MDGA2: variants seen among roughly 807,000 people sequenced by gnomAD.
MDGA2 encodes MAM domain containing glycosylphosphatidylinositol anchor 2.
MDGA2 carries 40 observed loss-of-function variants against 117.8 expected under a neutral mutation model. The ratio of observed to expected loss-of-function variants is 0.34; its 90% CI spans 0.26 to 0.44. The LOEUF is 0.44. Ranked by LOEUF, MDGA2 falls within the 20% of genes least tolerant of loss-of-function variation. The pLI is 1.00. For missense variants in MDGA2, 1,123 were observed against 1,250.6 expected (o/e 0.90, Z 1.54); for synonymous variants, 452 against 439.0 (o/e 1.03, Z -0.37).
At chr14:47,239,521 C>A (rs1459413267) in intron 2 of MDGA2, among the ~76,000 whole-genome samples, 2 of 151,698 alleles carry the variant, frequency 1.3e-5, no homozygotes, top group Non-Finnish European at 3.0e-5. Context: ...AAGCTTCTTT[C>A]ATAGAAAACA....
At chr14:46,980,224 T>A (rs1360136586) in intron 8 of MDGA2, among the ~76,000 whole-genome samples, 1 of 152,168 alleles carries the variant, frequency 6.6e-6, no homozygotes, top group East Asian at 1.9e-4. Flanking sequence ...ATCCCAACAC[T>A]CATGGAAAAC....
At chr14:47,154,327 A>G (rs577557639) in intron 3 of MDGA2, among the ~76,000 whole-genome samples, 1 of 152,336 alleles carries the variant, frequency 6.6e-6, no homozygotes, top group East Asian at 1.9e-4. Context: ...TGCAAAGACG[A>G]CGACCGCAGT....
chr14:47,096,703 T>C (rs967503565), intron 6 of MDGA2, 151 bp downstream of exon 6: 10 of 794,158 alleles, frequency 1.3e-5, no homozygotes, highest in Middle Eastern at 3.3e-4. Flanking sequence ...GTTCCACTTA[T>C]AATTACCCAC....
chr14:46,875,853 C>A (rs1185585425), intron 12 of MDGA2, among the ~76,000 whole-genome samples: 1 of 151,404 alleles, frequency 6.6e-6, no homozygotes, highest in Admixed American at 6.6e-5. Flanking sequence ...GTATCTACTG[C>A]CAAGTCTTAC....
chr14:46,878,737 A>T (rs1043414355), intron 11 of MDGA2, among the ~76,000 whole-genome samples: 4 of 152,058 alleles, frequency 2.6e-5, no homozygotes, highest in African/African-American at 9.7e-5. Context: ...ATGTATTTTA[A>T]TTTTAAAATT....
chr14:47,596,678 T>C (rs1389505766), intron 1 of MDGA2, among the ~76,000 whole-genome samples: 2 of 152,274 alleles, frequency 1.3e-5, no homozygotes, highest in Non-Finnish European at 1.5e-5. Context: ...TACCAAAAAT[T>C]ACTACCAATA....
chr14:47,112,823 T>C (rs111245339), intron 5 of MDGA2, among the ~76,000 whole-genome samples: 2 of 152,186 alleles, frequency 1.3e-5, no homozygotes, highest in African/African-American at 2.4e-5. Flanking sequence ...CAACACTGTC[T>C]TTCCACAATG....
chr14:47,174,754 C>T (rs1371696270), intron 3 of MDGA2, among the ~76,000 whole-genome samples: 1 of 151,904 alleles, frequency 6.6e-6, no homozygotes, highest in South Asian at 2.1e-4. Context: ...AAAGCAAGAG[C>T]AAACACATTC....
chr14:47,603,379 T>G (rs771778132), intron 1 of MDGA2, among the ~76,000 whole-genome samples: 22 of 152,108 alleles, frequency 1.4e-4, no homozygotes, highest in Non-Finnish European at 2.9e-4. Context: ...AACATCAGAG[T>G]ACATCTTCAA....
Position 46,882,281 on chromosome 14 carries a change from A to G in MDGA2, c.2239-60T>C, listed in dbSNP as rs1186503557. The G allele has an allele frequency of 3.5e-6, 5 of 1,418,236 alleles. No individual in the cohort carries two copies. The Admixed American group carries it at 1.2e-4, about 34-fold the overall frequency. The allele number at this position is 1,418,236 out of a possible 1,614,324, so 87.9% of individuals were successfully genotyped here. A position where few individuals can be genotyped will look rare whatever the true frequency, so the allele number is the denominator to read the frequency against. On this transcript the variant is annotated intron_variant, in intron 10 of 16. Coordinates refer to ENST00000399232, the MANE Select transcript of MDGA2 (RefSeq NM_001113498.3). The stretch of plus-strand genomic sequence containing the variant: ...GTATGTTCTTCAGAGGTACTAAGAA[A>G]ATTGAAAACAAATTTTGAAATTTTA...
At chr14:46,844,976 C>T (rs867680164) in intron 16 of MDGA2, among the ~76,000 whole-genome samples, 3 of 152,232 alleles carry the variant, frequency 2.0e-5, no homozygotes, top group Middle Eastern at 3.4e-3. Context: ...CCGCCTCCCG[C>T]GTTCACGCCA....
chr14:47,361,634 C>T (rs191435213), intron 1 of MDGA2, among the ~76,000 whole-genome samples: 2 of 151,988 alleles, frequency 1.3e-5, no homozygotes, highest in Non-Finnish European at 2.9e-5. Context: ...TTATCCAGTG[C>T]CTTCTAATGG....
chr14:47,629,236 TAA>T (rs916659932), intron 1 of MDGA2, among the ~76,000 whole-genome samples: 7 of 152,232 alleles, frequency 4.6e-5, no homozygotes, highest in African/African-American at 1.4e-4. Context: ...TATTATTAAA[TAA>T]GTTACTAGAA....
intron 1 of MDGA2, 91 bp from the exon 2 acceptor site, chr14:47,301,641 A>G: frequency 1.5e-6 from 2 of 1,331,176 alleles, no homozygotes; most frequent in East Asian, 5.0e-5. Context: ...AGCAATTCTT[A>G]TTAGACTTCA....
At chr14:46,845,418 A>G (rs1880795849) in intron 16 of MDGA2, among the ~76,000 whole-genome samples, 1 of 152,218 alleles carries the variant, frequency 6.6e-6, no homozygotes, top group Non-Finnish European at 1.5e-5. Flanking sequence ...CATTGTAAAT[A>G]TGTGCTATGT....
intron 1 of MDGA2, among the ~76,000 whole-genome samples, chr14:47,597,398 AT>A (rs536050538): frequency 6.6e-6 from 1 of 151,862 alleles, no homozygotes; most frequent in East Asian, 1.9e-4. Flanking sequence ...AATTTCCTGT[AT>A]TTTTTTTCTT....
At chr14:47,333,344 T>C (rs1890347127) in intron 1 of MDGA2, among the ~76,000 whole-genome samples, 1 of 151,898 alleles carries the variant, frequency 6.6e-6, no homozygotes, top group Admixed American at 6.6e-5. Flanking sequence ...ACCTGACTGG[T>C]GTATGATGAT....
intron 3 of MDGA2, among the ~76,000 whole-genome samples, chr14:47,158,016 C>T (rs895792866): frequency 1.6e-4 from 24 of 151,808 alleles, no homozygotes; most frequent in African/African-American, 5.3e-4. Flanking sequence ...TACACACACA[C>T]ACACACACAC....
intron 7 of MDGA2, among the ~76,000 whole-genome samples, chr14:47,042,310 ATGTT>A (rs1205913315): frequency 8.4e-5 from 8 of 94,910 alleles, no homozygotes; most frequent in African/African-American, 3.4e-4. Context: ...AACCAAATCT[ATGTT>A]TTTTTTTTTT....
Sources: allele counts gnomAD v4.1 joint callset (sites outside exome capture counted in the v4.1 genomes callset), GRCh38; gene constraint gnomAD v4.1.1; transcripts MANE v1.5; gene names NCBI Gene and HGNC (gene_info 2026-07-23, HGNC 2026-07-21).